STARD10: variants seen among roughly 807,000 people sequenced by gnomAD.
The protein encoded by STARD10 is StAR related lipid transfer domain containing 10, also known as START domain-containing protein 10.
Under a neutral mutation model 36.0 loss-of-function variants are expected in STARD10, and 24 were observed. That is an observed-to-expected ratio of 0.67 (90% CI 0.48 to 0.94). The LOEUF is 0.94. Ranked by LOEUF, STARD10 falls within the 40% of genes least tolerant of loss-of-function variation. STARD10 has a pLI of 0.00. For missense variants in STARD10, 335 were observed against 396.6 expected, an observed-to-expected ratio of 0.84 and a Z score of 1.32; for synonymous variants, 156 against 161.9, an observed-to-expected ratio of 0.96 and a Z score of 0.28.
chr11:72,761,782 G>C (rs765568970), intron 2 of STARD10, among the ~76,000 whole-genome samples: 1 of 151,666 alleles, frequency 6.6e-6, no homozygotes, highest in African/African-American at 2.4e-5. Flanking sequence ...ACCTCAATTG[G>C]GGGAAAAAAA....
intron 2 of STARD10, among the ~76,000 whole-genome samples, chr11:72,779,790 G>A (rs2135623927): frequency 6.6e-6 from 1 of 152,312 alleles, no homozygotes; most frequent in African/African-American, 2.4e-5. Context: ...AGAGTCAGAG[G>A]GGAGAAGGGG....
intron 1 of STARD10, among the ~76,000 whole-genome samples, chr11:72,784,946 G>A (rs1482045681): frequency 6.6e-6 from 1 of 152,240 alleles, no homozygotes. Flanking sequence ...GGTTGTGGGG[G>A]GCACGGGGCA....
chr11:72,755,345 G>A, intron 6 of STARD10: 1 of 542,880 alleles, frequency 1.8e-6, no homozygotes, highest in Non-Finnish European at 3.0e-6. Context: ...GAATCTCACT[G>A]TGTGGCCCAG....
chr11:72,755,402 C>T, intron 6 of STARD10: 1 of 561,698 alleles, frequency 1.8e-6, no homozygotes, highest in South Asian at 2.0e-5. Context: ...CCTCTGCCTT[C>T]CAGGTTCAAG....
intron 2 of STARD10, among the ~76,000 whole-genome samples, chr11:72,759,682 T>A (rs558423501): frequency 4.0e-5 from 6 of 148,982 alleles, no homozygotes; most frequent in Admixed American, 2.7e-4. Flanking sequence ...TGCATCTCTA[T>A]GTCTGTGCCC....
rs1386862071 is a variant in STARD10 at position 72,781,363 on chromosome 11, C to A, written c.-113-69G>T. ...CGGGTGGGGCTGTTCGGGGTCCTGG[C>A]GGGTGGGGAGCTGGAGAGAGGTAGG... On this transcript the variant is annotated intron_variant, in intron 1 of 6. Transcript: ENST00000334805. This position sits in a 1 kb window ranked among gnomAD's most constrained non-coding sequence, Gnocchi z 4.7. 1.8e-5 allele frequency: 11 copies of A among 601,370 alleles called. No homozygotes were observed. The East Asian group carries it at 3.1e-4, about 17-fold the overall frequency. The allele number at this position is 601,370 out of a possible 1,614,324, so 37.3% of individuals were successfully genotyped here. A position where few individuals can be genotyped will look rare whatever the true frequency, so the allele number is the denominator to read the frequency against.
At chr11:72,755,381 G>A (rs1591261957) in intron 6 of STARD10, 2 of 575,016 alleles carry the variant, frequency 3.5e-6, no homozygotes, top group East Asian at 6.2e-5. Context: ...CATGATATCG[G>A]CTCACTGCAA....
At chr11:72,789,587 G>C (rs538274656) in intron 1 of STARD10, among the ~76,000 whole-genome samples, 49 of 152,346 alleles carry the variant, frequency 3.2e-4, no homozygotes, top group African/African-American at 1.1e-3. Context: ...TGAGGCACAG[G>C]GGGTCTGGCC....
intron 1 of STARD10, among the ~76,000 whole-genome samples, chr11:72,783,836 T>G (rs1859036756): frequency 6.6e-6 from 1 of 152,112 alleles, no homozygotes; most frequent in African/African-American, 2.4e-5. Flanking sequence ...ATAGAAGGAC[T>G]TCCCCACCCT....
chr11:72,791,635 G>A (rs984461975), intron 1 of STARD10, among the ~76,000 whole-genome samples: 14 of 151,628 alleles, frequency 9.2e-5, no homozygotes, highest in Admixed American at 3.3e-4. Context: ...CCCAGGAGGC[G>A]GAGGTTGCAG....
intron 2 of STARD10, chr11:72,780,576 A>C: frequency 2.8e-6 from 1 of 356,912 alleles, no homozygotes; most frequent in Non-Finnish European, 5.5e-6. Context: ...CAGGCTGAGA[A>C]CCAGGAATCA....
chr11:72,779,650 C>A (rs963914757), intron 2 of STARD10, among the ~76,000 whole-genome samples: 19 of 151,980 alleles, frequency 1.3e-4, no homozygotes, highest in Non-Finnish European at 1.8e-4. Context: ...CTGGGACATG[C>A]CAGCTGCCTT....
intron 2 of STARD10, among the ~76,000 whole-genome samples, chr11:72,765,723 C>T (rs1049992870): frequency 4.6e-5 from 7 of 151,924 alleles, no homozygotes; most frequent in African/African-American, 1.5e-4. Context: ...GTAATCCCAG[C>T]ACTTCGGGAG....
At chr11:72,786,534 A>G (rs1467397113) in intron 1 of STARD10, among the ~76,000 whole-genome samples, 1 of 152,158 alleles carries the variant, frequency 6.6e-6, no homozygotes, top group Admixed American at 6.5e-5. Context: ...GGCCTCACTG[A>G]GCAAACAGCT....
chr11:72,772,235 G>GTT (rs1858870622), intron 2 of STARD10, among the ~76,000 whole-genome samples: 1 of 138,896 alleles, frequency 7.2e-6, no homozygotes, highest in African/African-American at 2.6e-5. Flanking sequence ...AGTGGGCATG[G>GTT]CTCCCCTGTG....
At chr11:72,759,126 C>G in intron 3 of STARD10, 108 bp downstream of exon 3, 2 of 1,373,386 alleles carry the variant, frequency 1.5e-6, no homozygotes, top group Non-Finnish European at 2.0e-6. Flanking sequence ...AGTCTCCGAG[C>G]AGCTTGGTCA....
chr11:72,766,696 G>A (rs1465300330), intron 2 of STARD10, among the ~76,000 whole-genome samples: 1 of 152,182 alleles, frequency 6.6e-6, no homozygotes, highest in African/African-American at 2.4e-5. Context: ...CCACTCCAGG[G>A]AGGGGCAGCA....
intron 1 of STARD10, chr11:72,783,701 TTTTTAGGG>T (rs1859034030): frequency 3.3e-5 from 5 of 152,474 alleles, no homozygotes; most frequent in South Asian, 2.1e-4. Flanking sequence ...GGCTCCTGCC[TTTTTAGGG>T]CCCCAATAAA....
intron 1 of STARD10, among the ~76,000 whole-genome samples, chr11:72,782,968 G>A (rs1183187616): frequency 1.3e-5 from 2 of 152,144 alleles, no homozygotes; most frequent in African/African-American, 2.4e-5. Context: ...TCTGTGCCCC[G>A]CTGCCTCCTC....
Sources: gnomAD v4.1 joint callset for allele counts (sites outside exome capture counted in the v4.1 genomes callset) on GRCh38, gnomAD v4.1.1 for gene constraint, Gnocchi (gnomAD v3.1) non-coding constraint, MANE v1.5 for transcripts, NCBI Gene and HGNC (gene_info 2026-07-23, HGNC 2026-07-21) for gene names.